The following ZNF75D variants were observed in gnomAD, a reference collection of about 807,000 sequenced individuals.
ZNF75D encodes zinc finger protein 75.
A neutral mutation model predicts 33.3 loss-of-function variants in ZNF75D; 33 were observed. The ratio of observed to expected loss-of-function variants is 0.99; its 90% CI spans 0.75 to 1.32. The LOEUF is 1.32. ZNF75D is among the 40% of genes most tolerant of loss of function. The pLI, the probability that ZNF75D is intolerant of heterozygous loss-of-function variation, is 0.00. For synonymous variants in ZNF75D, 113 were observed against 130.6 expected (o/e 0.87, Z 0.92); for missense variants, 338 against 367.5 (o/e 0.92, Z 0.66).
chrX:135,319,778 T>G (rs149888598), intron 1 of ZNF75D, among the ~76,000 whole-genome samples: 218 of 112,382 alleles, frequency 1.9e-3, no homozygotes, highest in African/African-American at 6.8e-3. Flanking sequence ...GTAGAACTTT[T>G]GTCTCTTAGT....
At position 135,280,339 on chromosome X, in the gene ZNF75D, G is replaced by A. The variant is rs2083915560; in HGVS notation, n.828-24562C>T. On this transcript the variant is annotated intron_variant and non_coding_transcript_variant, in intron 1 of 3. Transcript: ENST00000494295. ...TTTGTTTGTTTGTTTCCATTTACTT[G>A]GTAAATATTTCTCCATCCCTTTATC... Among the ~76,000 whole-genome samples the A allele has an allele frequency of 3.6e-5, 4 of 111,648 alleles. 1 individual carries two copies. In the East Asian group the frequency reaches 1.1e-3, roughly 31 times the overall value.
At chrX:135,296,712 G>C (rs1602613733) in intron 1 of ZNF75D, among the ~76,000 whole-genome samples, 1 of 112,346 alleles carries the variant, frequency 8.9e-6, no homozygotes, top group African/African-American at 3.2e-5. Flanking sequence ...ATTCTTGTTA[G>C]GTAGATTTTA....
chrX:135,293,120 C>G (rs1247136639), intron 3 of ZNF75D, among the ~76,000 whole-genome samples: 10 of 111,782 alleles, frequency 8.9e-5, no homozygotes, highest in African/African-American at 3.3e-4. Flanking sequence ...ACCAGAAGGG[C>G]CAATGACAAG....
At position 135,265,275 on chromosome X, in the gene ZNF75D, G is replaced by A. The variant is rs1306100953; in HGVS notation, n.828-9498C>T. 2.7e-5 allele frequency among the ~76,000 whole-genome samples: 3 copies of A among 110,780 alleles called. No individual in the cohort carries two copies. The East Asian group carries it at 8.5e-4, about 31-fold the overall frequency. On this transcript the variant is annotated intron_variant and non_coding_transcript_variant, in intron 1 of 3. Transcript: ENST00000494295. ...AAGAGGATGTAGAAAGAGAGACAGG[G>A]GTAGAAAGTTCATTCAAAGGGGTAA...
At chrX:135,304,747 G>A (rs1249768116) in intron 1 of ZNF75D, among the ~76,000 whole-genome samples, 1 of 112,782 alleles carries the variant, frequency 8.9e-6, no homozygotes, top group African/African-American at 3.2e-5. Flanking sequence ...GCTACCTATA[G>A]AGAGGAAATG....
chrX:135,280,653 T>G (rs927733279), intron 1 of ZNF75D, among the ~76,000 whole-genome samples: 6 of 112,093 alleles, frequency 5.4e-5, no homozygotes, highest in Non-Finnish European at 1.1e-4. Context: ...ATTTAATGCT[T>G]CCTTCAGGAA....
At chrX:135,267,776 C>T (rs2083868272) in intron 1 of ZNF75D, among the ~76,000 whole-genome samples, 1 of 106,623 alleles carries the variant, frequency 9.4e-6, no homozygotes, top group Non-Finnish European at 2.0e-5. Flanking sequence ...ACCAGTATTA[C>T]CCTGATACCA....
At chrX:135,270,144 C>CA (rs1248263968) in intron 1 of ZNF75D, among the ~76,000 whole-genome samples, 11 of 103,434 alleles carry the variant, frequency 1.1e-4, no homozygotes, top group East Asian at 5.9e-4. Flanking sequence ...TTAATGGGTA[C>CA]AAAAAAAAAT....
chrX:135,336,284 T>A (rs782689950), intron 1 of ZNF75D, among the ~76,000 whole-genome samples: 1 of 112,216 alleles, frequency 8.9e-6, no homozygotes, highest in Non-Finnish European at 1.9e-5. Context: ...GATTTTGGAC[T>A]CCCAACCTCC....
downstream of ZNF75D, among the ~76,000 whole-genome samples, chrX:135,281,680 G>A (rs781959369): frequency 8.9e-6 from 1 of 112,042 alleles, no homozygotes; most frequent in Admixed American, 9.4e-5. Context: ...TTGTGTGGAC[G>A]TCCTTTTTGT....
chrX:135,299,210 C>CTATT (rs2084179147), intron 1 of ZNF75D, among the ~76,000 whole-genome samples: 1 of 112,124 alleles, frequency 8.9e-6, no homozygotes. Context: ...AGCTGCCAGA[C>CTATT]TATTTTCCAA....
At chrX:135,335,837 A>G (rs1227360378) in intron 1 of ZNF75D, among the ~76,000 whole-genome samples, 2 of 111,828 alleles carry the variant, frequency 1.8e-5, no homozygotes, top group African/African-American at 6.5e-5. Flanking sequence ...CAACTTTGAA[A>G]TCTCACACCT....
chrX:135,276,852 G>C (rs1262150480), intron 1 of ZNF75D, among the ~76,000 whole-genome samples: 2 of 111,763 alleles, frequency 1.8e-5, no homozygotes, highest in Non-Finnish European at 3.8e-5. Context: ...ATAGTATTCC[G>C]TGGTGTATAT....
intron 1 of ZNF75D, among the ~76,000 whole-genome samples, chrX:135,322,168 T>C (rs1257544613): frequency 2.7e-5 from 3 of 112,223 alleles, no homozygotes; most frequent in African/African-American, 9.7e-5. Context: ...AGAATACCTG[T>C]GTGTCAGTGT....
chrX:135,330,153 T>G (rs1366211471), intron 1 of ZNF75D, among the ~76,000 whole-genome samples: 1 of 112,134 alleles, frequency 8.9e-6, no homozygotes, highest in Non-Finnish European at 1.9e-5. Flanking sequence ...CAGACCCGTG[T>G]GTATGACAGA....
intron 1 of ZNF75D, among the ~76,000 whole-genome samples, chrX:135,302,891 C>T (rs782325646): frequency 1.8e-5 from 2 of 109,010 alleles, no homozygotes; most frequent in Non-Finnish European, 3.8e-5. Flanking sequence ...CCGCCGGCCT[C>T]TGAGTTCCCT....
chrX:135,325,359 T>C (rs1218573615), intron 1 of ZNF75D, among the ~76,000 whole-genome samples: 1 of 110,150 alleles, frequency 9.1e-6, no homozygotes, highest in Non-Finnish European at 1.9e-5. Flanking sequence ...TTGGTGGCAC[T>C]TGAGGAGCCC....
At chrX:135,292,193 G>T in intron 4 of ZNF75D, 88 bp downstream of exon 4, 1 of 947,414 alleles carries the variant, frequency 1.1e-6, no homozygotes, top group Non-Finnish European at 1.5e-6. Flanking sequence ...TAGCATGGCT[G>T]GCCACCTGGA....
At chrX:135,330,115 C>T (rs782587150) in intron 1 of ZNF75D, among the ~76,000 whole-genome samples, 52 of 111,960 alleles carry the variant, frequency 4.6e-4, no homozygotes, top group Non-Finnish European at 7.0e-4. Context: ...TGAAAATTGC[C>T]TCAATAAAAC....
Sources: allele counts gnomAD v4.1 joint callset (sites outside exome capture counted in the v4.1 genomes callset), GRCh38; gene constraint gnomAD v4.1.1; transcripts MANE v1.5; gene names NCBI Gene and HGNC (gene_info 2026-07-23, HGNC 2026-07-21).